Variants in NDUFAF6 observed in about 807,000 individuals in gnomAD.
NDUFAF6 encodes the protein NADH:ubiquinone oxidoreductase complex assembly factor 6.
NDUFAF6 carries 45 observed loss-of-function variants against 40.8 expected under a neutral mutation model. The ratio of observed to expected loss-of-function variants is 1.10; its 90% CI spans 0.87 to 1.42. NDUFAF6 has a LOEUF of 1.42. Among genes scored for constraint, NDUFAF6 ranks in the 40% most tolerant of loss-of-function variants. The pLI is 0.00. For missense variants in NDUFAF6, 435 were observed against 418.5 expected (o/e 1.04, Z -0.34); for synonymous variants, 185 against 155.9 (o/e 1.19, Z -1.39).
chr8:95,108,535 G>C (rs1587284820), intron 4 of NDUFAF6, among the ~76,000 whole-genome samples: 1 of 152,156 alleles, frequency 6.6e-6, no homozygotes. Flanking sequence ...GTAGAACAGT[G>C]CTTACCAGGG....
chr8:95,058,581 T>C lies in NDUFAF6; in HGVS notation c.*644T>C. 8.3e-7 allele frequency: 1 copy of C among 1,198,830 alleles called. No homozygotes were observed. Among genetic ancestry groups the C allele is most frequent in the Non-Finnish European group, 1.0e-6 (1 of 968,008 alleles). 74.3% of individuals were successfully genotyped at this position (1,198,830 alleles called of 1,614,324 possible). A position where few individuals can be genotyped will look rare whatever the true frequency, so the allele number is the denominator to read the frequency against. On this transcript the variant is annotated 3_prime_UTR_variant, in exon 9 of 9. Transcript: ENST00000396124. ...GCTGGTCTGGAAGCTTTTACTTTTT[T>C]GTTAATCCCACTTCCTCACTCTGTC...
At chr8:95,063,855 C>G (rs921701337) in intron 9 of NDUFAF6, among the ~76,000 whole-genome samples, 1 of 150,636 alleles carries the variant, frequency 6.6e-6, no homozygotes, top group Admixed American at 6.6e-5. Flanking sequence ...TTTGCTATGT[C>G]CTATATTTGT....
chr8:95,049,049 G>A (rs73276494), intron 7 of NDUFAF6, among the ~76,000 whole-genome samples: 4,625 of 152,240 alleles, frequency 0.03, 243 homozygotes, highest in African/African-American at 0.1. Flanking sequence ...CTTGGAAGGA[G>A]GTGGTCGGCA....
chr8:95,052,939 T>C (rs1831610373), intron 8 of NDUFAF6, among the ~76,000 whole-genome samples: 2 of 152,184 alleles, frequency 1.3e-5, no homozygotes, highest in South Asian at 4.1e-4. Context: ...TTGGGTTAGG[T>C]CATTCCATCA....
chr8:95,086,825 G>A (rs1809062922), intron 2 of NDUFAF6, among the ~76,000 whole-genome samples: 1 of 151,848 alleles, frequency 6.6e-6, no homozygotes, highest in South Asian at 2.1e-4. Context: ...GGATGGTCTC[G>A]ATCTCCTGAC....
chr8:95,003,467 CAGA>C (rs1427415524), intron 2 of NDUFAF6, among the ~76,000 whole-genome samples: 4 of 152,086 alleles, frequency 2.6e-5, no homozygotes, highest in African/African-American at 9.7e-5. Flanking sequence ...CTAAGAGGAG[CAGA>C]AGGAGACAGA....
At position 94,935,119 on chromosome 8, in the gene NDUFAF6, GTAGA is replaced by G. The variant is rs1554630988; in HGVS notation, c.-935-10357_-935-10354del. ...GGTAGGTAGGTAGGTAGGTACATAGGTAGATAGATATAGATAGATAGATAGATAG... is the reference window on the plus strand; with the variant it reads ...GGTAGGTAGGTAGGTAGGTACATAGGTAGATATAGATAGATAGATAGATAG... On this transcript the variant is annotated intron_variant, in intron 1 of 14. Transcript: ENST00000396113. Among the ~76,000 whole-genome samples the G allele has an allele frequency of 1.1e-4, 13 of 115,846 alleles. No individual in the cohort carries two copies. In the South Asian group the frequency reaches 1.2e-3, roughly 11 times the overall value. 76.0% of individuals were successfully genotyped at this position (115,846 alleles called of 152,430 possible).
chr8:94,930,472 GAAACT>G, intron 1 of NDUFAF6: 1 of 1,613,182 alleles, frequency 6.2e-7, no homozygotes, highest in Non-Finnish European at 8.5e-7. Flanking sequence ...AACAAAACTT[GAAACT>G]ATTAGTAATT....
At chr8:95,108,972 T>C (rs918015487) in intron 4 of NDUFAF6, among the ~76,000 whole-genome samples, 48 of 152,180 alleles carry the variant, frequency 3.2e-4, no homozygotes, top group African/African-American at 1.2e-3. Flanking sequence ...GTAGCAACAT[T>C]TTAATCATTG....
chr8:94,913,661 T>G lies in NDUFAF6; in HGVS notation c.-936+17734T>G, dbSNP rs777710613. Among the ~76,000 whole-genome samples, 9 of 152,186 alleles carry G rather than the reference T, an allele frequency of 5.9e-5. 1 individual carries two copies. The highest frequency in any genetic ancestry group is 4.4e-5 in the Non-Finnish European group (3 of 68,042). The stretch of plus-strand genomic sequence containing the variant: ...AACAGTTTTAAAAATCAGCTTAGCA[T>G]TCTGGCATGCACCTGTAGTCCCAGC... On this transcript the variant is annotated intron_variant, in intron 1 of 14. Transcript: ENST00000396113.
At chr8:95,043,536 A>G (rs1830385750) in intron 4 of NDUFAF6, among the ~76,000 whole-genome samples, 1 of 152,140 alleles carries the variant, frequency 6.6e-6, no homozygotes, top group Admixed American at 6.5e-5. Context: ...CAACTCAAGA[A>G]TAAAAAAAAA....
chr8:95,091,066 C>G (rs770984945), intron 2 of NDUFAF6, among the ~76,000 whole-genome samples: 55 of 124,218 alleles, frequency 4.4e-4, no homozygotes, highest in Non-Finnish European at 8.6e-4. Flanking sequence ...ATATATATAT[C>G]CTATATATCC....
chr8:94,932,073 G>C, intron 1 of NDUFAF6: 3 of 1,609,920 alleles, frequency 1.9e-6, no homozygotes, highest in Non-Finnish European at 2.5e-6. Context: ...TACTTACTCT[G>C]TGCCCGTGAG....
intron 2 of NDUFAF6, among the ~76,000 whole-genome samples, chr8:94,997,343 C>CACACAGAGAGAG (rs1242904810): frequency 4.4e-5 from 4 of 90,574 alleles, no homozygotes; most frequent in Admixed American, 1.5e-4. Context: ...CACACACACA[C>CACACAGAGAGAG]AGAGAGAGAG....
At chr8:94,935,128 T>TATAGATAGATATAGATAGATAGATAG (rs1554630989) in intron 1 of NDUFAF6, among the ~76,000 whole-genome samples, 1 of 144,640 alleles carries the variant, frequency 6.9e-6, no homozygotes, top group African/African-American at 2.6e-5. Flanking sequence ...GGTAGATAGA[T>TATAGATAGATATAGATAGATAGATAG]ATAGATAGAT....
downstream of NDUFAF6, among the ~76,000 whole-genome samples, chr8:95,060,845 AAAG>A (rs1411916705): frequency 1.3e-5 from 2 of 152,248 alleles, no homozygotes; most frequent in Non-Finnish European, 2.9e-5. Context: ...TTAGGTTAAA[AAAG>A]GTAATTACTA....
chr8:95,097,603 T>C (rs1809510420), upstream of NDUFAF6, among the ~76,000 whole-genome samples: 1 of 152,038 alleles, frequency 6.6e-6, no homozygotes, highest in Non-Finnish European at 1.5e-5. Flanking sequence ...GGAGGCTGAG[T>C]CAGGAGAATC....
At chr8:94,951,632 A>G (rs1364091592) in intron 2 of NDUFAF6, among the ~76,000 whole-genome samples, 1 of 152,236 alleles carries the variant, frequency 6.6e-6, no homozygotes, top group East Asian at 1.9e-4. Flanking sequence ...AGCATAGGTG[A>G]AGTCTGTCCC....
chr8:94,943,372 C>G (rs889948292), intron 1 of NDUFAF6, among the ~76,000 whole-genome samples: 4 of 152,124 alleles, frequency 2.6e-5, no homozygotes, highest in African/African-American at 9.7e-5. Flanking sequence ...ACCTGTAGTC[C>G]TAGCTACTTG....
Sources: gnomAD v4.1 joint callset for allele counts (sites outside exome capture counted in the v4.1 genomes callset) on GRCh38, gnomAD v4.1.1 for gene constraint, MANE v1.5 for transcripts, NCBI Gene and HGNC (gene_info 2026-07-23, HGNC 2026-07-21) for gene names.